The following TLE2 variants were observed in gnomAD, a reference collection of about 807,000 sequenced individuals.
TLE2 encodes transducin-like enhancer protein 2.
A neutral mutation model predicts 97.2 loss-of-function variants in TLE2; 74 were observed. That is an observed-to-expected ratio of 0.76 (90% confidence interval 0.63 to 0.92). TLE2 has a LOEUF of 0.92. TLE2 is among the 40% of genes least tolerant of loss of function. The pLI is 0.00. For synonymous variants in TLE2, 499 were observed against 432.1 expected (o/e 1.15, Z -1.92); for missense variants, 1,038 against 1,008.7 (o/e 1.03, Z -0.39).
At position 3,017,802 on chromosome 19, in the gene TLE2, A is replaced by C. The variant is rs764605565; in HGVS notation, c.570+38T>G. 3 of 1,604,570 alleles carry C rather than the reference A, an allele frequency of 1.9e-6. No homozygotes were observed. In the African/African-American group the frequency reaches 4.0e-5, roughly 22 times the overall value. On this transcript the variant is annotated intron_variant, in intron 8 of 19. Coordinates refer to ENST00000262953, the MANE Select transcript of TLE2 (RefSeq NM_003260.5). ...AGCTCAGAACCAGCGTTGGCCTCCC[A>C]AGAATATAAAAAGAGTCCCAGGGTG...
At chr19:3,003,157 G>A (rs898556560) in intron 17 of TLE2, among the ~76,000 whole-genome samples, 1 of 152,160 alleles carries the variant, frequency 6.6e-6, no homozygotes, top group Non-Finnish European at 1.5e-5. Context: ...ATATTAATCA[G>A]AATTACACAG....
At chr19:3,029,559 G>GT (rs2090004637), upstream of TLE2, 1 of 489,538 alleles carries the variant, frequency 2.0e-6, no homozygotes, top group Non-Finnish European at 2.4e-6. Context: ...CCGTGGGAGC[G>GT]GGGGGGGGGG....
Position 3,006,621 on chromosome 19 carries a change from G to C in TLE2, c.1299C>G (p.Pro433=). The C allele has an allele frequency of 6.2e-7, 1 of 1,610,978 alleles. No homozygotes were observed. Among genetic ancestry groups the C allele is most frequent in the East Asian group, 2.2e-5 (1 of 44,782 alleles). The stretch of plus-strand genomic sequence containing the variant: ...CGCCTACCAGTGCATCCGAGGGGAA[G>C]GGAACCGGCTGCATCTGCCCGTCCG... ...VSADGQMQPV[P]FPSDALVGAG... The change falls in exon 15 of 20, where the codon CCC becomes CCG. Residue 433 remains proline, a synonymous_variant. Transcript: ENST00000262953.
intron 17 of TLE2, among the ~76,000 whole-genome samples, chr19:3,003,992 C>A (rs2089422321): frequency 6.6e-6 from 1 of 152,150 alleles, no homozygotes; most frequent in African/African-American, 2.4e-5. Context: ...CAGGCGTGAG[C>A]CACTGCACCC....
At chr19:3,002,231 G>T in intron 18 of TLE2, 122 bp downstream of exon 18, 1 of 1,237,436 alleles carries the variant, frequency 8.1e-7, no homozygotes, top group Non-Finnish European at 1.1e-6. Flanking sequence ...ATTTGCTTTT[G>T]AGTATATAAA....
chr19:3,000,790 G>T, intron 18 of TLE2, 67 bp from the exon 19 acceptor site: 1 of 1,277,898 alleles, frequency 7.8e-7, no homozygotes, highest in Non-Finnish European at 1.1e-6. Flanking sequence ...TGCAGGGGGA[G>T]GTCGGGGAAG....
At chr19:3,044,493 C>A (rs1341723803) in intron 1 of TLE2, among the ~76,000 whole-genome samples, 1 of 152,210 alleles carries the variant, frequency 6.6e-6, no homozygotes, top group African/African-American at 2.4e-5. Flanking sequence ...GATTTCTGCT[C>A]ACTGCACCCT....
At chr19:3,016,554 C>A (rs549248531) in intron 8 of TLE2, among the ~76,000 whole-genome samples, 1 of 144,706 alleles carries the variant, frequency 6.9e-6, no homozygotes, top group African/African-American at 2.5e-5. Flanking sequence ...TGCACCACTG[C>A]GCTCCAGCCT....
chr19:3,014,641 A>G (rs216273), intron 9 of TLE2, 27 bp from the exon 10 acceptor site: 344,369 of 1,573,194 alleles, frequency 0.22, 45,360 homozygotes, highest in African/African-American at 0.59. Context: ...GAGAGAGCTC[A>G]TTGTGGTCAT....
chr19:2,998,395 G>T (rs557276472), intron 19 of TLE2, among the ~76,000 whole-genome samples: 15 of 151,584 alleles, frequency 9.9e-5, no homozygotes, highest in African/African-American at 3.4e-4. Context: ...CTCCTGTCTC[G>T]AACTCCCAAG....
chr19:3,028,725 G>T lies in TLE2; in HGVS notation c.103C>A (p.Leu35Ile). Residue 35 changes from leucine to isoleucine, a missense_variant, in exon 2 of 20, where the codon CTT becomes ATT. By Grantham distance (5) the Leu-to-Ile change is conservative. Coordinates refer to ENST00000262953, the MANE Select transcript of TLE2 (RefSeq NM_003260.5). ...CCTCACCTGTGGTATTGAGCCTGAA[G>T]AAACTGGAATTCTTCTTTGATGCGG... ...CDRIKEEFQF[L>I]QAQYHSLKLE... is the part of the protein sequence containing the mutation. 4.3e-6 allele frequency: 7 copies of T among 1,612,970 alleles called. No homozygotes were observed. The highest frequency in any genetic ancestry group is 5.1e-6 in the Non-Finnish European group (6 of 1,179,812).
chr19:3,027,741 C>G (rs768947160), intron 4 of TLE2, 88 bp downstream of exon 4: 157 of 1,370,778 alleles, frequency 1.1e-4, no homozygotes, highest in Non-Finnish European at 1.4e-4. Context: ...TAGGTCTGCT[C>G]TGGCCCCGGC....
chr19:3,031,567 C>A (rs555922690), upstream of TLE2, among the ~76,000 whole-genome samples: 1 of 151,866 alleles, frequency 6.6e-6, no homozygotes, highest in African/African-American at 2.4e-5. Flanking sequence ...TGGGCTCAAT[C>A]GATCCTCCCA....
At chr19:3,023,864 C>T (rs1019483638) in intron 5 of TLE2, among the ~76,000 whole-genome samples, 2 of 149,720 alleles carry the variant, frequency 1.3e-5, no homozygotes, top group Non-Finnish European at 3.0e-5. Flanking sequence ...TGCACTCCAG[C>T]CTGGGTAACA....
Position 3,028,820 on chromosome 19 carries a change from G to C in TLE2, c.25-17C>G. The C allele has an allele frequency of 6.2e-7, 1 of 1,612,324 alleles. No homozygotes were observed. The highest frequency in any genetic ancestry group is 8.5e-7 in the Non-Finnish European group (1 of 1,179,766). ...GAGCGGGGTCTGGGGGGGGTGTGGG[G>C]GAAACGTCAGGGTCTGAGTTCCCGG... On this transcript the variant is annotated splice_polypyrimidine_tract_variant and intron_variant, in intron 1 of 19. Transcript: ENST00000262953.
intron 1 of TLE2, among the ~76,000 whole-genome samples, chr19:3,036,418 G>A (rs1274047171): frequency 6.6e-6 from 1 of 152,216 alleles, no homozygotes; most frequent in Non-Finnish European, 1.5e-5. Context: ...TATAATTACA[G>A]CCCATTGATC....
At chr19:3,041,066 G>A (rs1244931320) in intron 1 of TLE2, among the ~76,000 whole-genome samples, 5 of 93,274 alleles carry the variant, frequency 5.4e-5, no homozygotes, top group East Asian at 6.6e-4. Flanking sequence ...TTATTCTGTC[G>A]CCCAGACTGG....
Position 3,019,581 on chromosome 19 carries a change from C to T in TLE2, c.369+118G>A. On this transcript the variant is annotated intron_variant, in intron 6 of 19. Coordinates refer to ENST00000262953, the MANE Select transcript of TLE2 (RefSeq NM_003260.5). This position sits in a 1 kb window ranked among gnomAD's most constrained non-coding sequence, Gnocchi z 5.1. ...AGCACAGCATGTGCCCCTGGGGTTCCCAGGACCACTGGAGCCAAGGCCCAC... is the reference window on the plus strand; with the variant it reads ...AGCACAGCATGTGCCCCTGGGGTTCTCAGGACCACTGGAGCCAAGGCCCAC... 6.6e-7 allele frequency: 1 copy of T among 1,508,302 alleles called. No homozygotes were observed. Among genetic ancestry groups the T allele is most frequent in the South Asian group, 1.3e-5 (1 of 77,372 alleles). 93.4% of individuals were successfully genotyped at this position (1,508,302 alleles called of 1,614,324 possible). A position where few individuals can be genotyped will look rare whatever the true frequency, so the allele number is the denominator to read the frequency against.
At chr19:3,025,200 G>C in intron 4 of TLE2, 118 bp from the exon 5 acceptor site, 1 of 1,136,210 alleles carries the variant, frequency 8.8e-7, no homozygotes. Flanking sequence ...GACGCCCGCA[G>C]GTGCACAGAG....
Sources: allele counts gnomAD v4.1 joint callset (sites outside exome capture counted in the v4.1 genomes callset), GRCh38; gene constraint gnomAD v4.1.1; non-coding constraint Gnocchi (gnomAD v3.1); transcripts MANE v1.5; gene names NCBI Gene and HGNC (gene_info 2026-07-23, HGNC 2026-07-21).